The following NREP variants were observed in gnomAD, a reference collection of about 807,000 sequenced individuals.
NREP encodes neuronal regeneration related protein.
In NREP, 5 loss-of-function variants were observed where a neutral mutation model predicts 8.6. That is an observed-to-expected ratio of 0.58 (90% CI 0.30 to 1.22). The LOEUF (loss-of-function observed/expected upper bound fraction) is 1.22. Ranked by LOEUF, NREP falls within the 50% of genes most tolerant of loss-of-function variation. NREP has a pLI of 0.07. For missense variants in NREP, 86 were observed against 82.5 expected (o/e 1.04, Z -0.17); for synonymous variants, 27 against 28.0 (o/e 0.96, Z 0.11).
intron 2 of NREP, among the ~76,000 whole-genome samples, chr5:111,927,991 T>C (rs532923252): frequency 2.0e-5 from 3 of 152,220 alleles, no homozygotes; most frequent in Admixed American, 6.5e-5. Context: ...CTGGAAAAGA[T>C]TGGCAGCCAG....
At chr5:111,750,138 G>C (rs1750263005) in intron 2 of NREP, among the ~76,000 whole-genome samples, 2 of 152,158 alleles carry the variant, frequency 1.3e-5, no homozygotes, top group Admixed American at 6.5e-5. Flanking sequence ...TGACAGCACA[G>C]AGGTCCTAAA....
chr5:111,886,743 A>G (rs988791666), intron 2 of NREP, among the ~76,000 whole-genome samples: 1 of 150,306 alleles, frequency 6.7e-6, no homozygotes, highest in Non-Finnish European at 1.5e-5. Flanking sequence ...AACACCGCAT[A>G]TTCTCACTCA....
intron 2 of NREP, among the ~76,000 whole-genome samples, chr5:111,854,153 AG>A (rs59935347): frequency 0.048 from 7,267 of 152,224 alleles, 594 homozygotes; most frequent in African/African-American, 0.17. Context: ...AAAACAAACA[AG>A]AAAAATGTAG....
chr5:111,833,165 C>T (rs1300693228), intron 2 of NREP, among the ~76,000 whole-genome samples: 6 of 152,190 alleles, frequency 3.9e-5, no homozygotes, highest in Admixed American at 2.0e-4. Context: ...CTATACATCA[C>T]GTAGCCCTCA....
chr5:111,862,088 TAATC>T (rs994967410), intron 2 of NREP, among the ~76,000 whole-genome samples: 1 of 152,168 alleles, frequency 6.6e-6, no homozygotes, highest in Non-Finnish European at 1.5e-5. Context: ...TACAAGCAAA[TAATC>T]AAGTGCAATT....
At chr5:111,736,312 T>A (rs1749109388) in intron 2 of NREP, among the ~76,000 whole-genome samples, 1 of 152,156 alleles carries the variant, frequency 6.6e-6, no homozygotes, top group South Asian at 2.1e-4. Context: ...AACTGTGAAA[T>A]CTTCTTTAAA....
chr5:111,858,538 C>A (rs1339193654), intron 2 of NREP, among the ~76,000 whole-genome samples: 3 of 152,088 alleles, frequency 2.0e-5, no homozygotes, highest in Non-Finnish European at 4.4e-5. Flanking sequence ...GTAATCCCAG[C>A]ACTTGGGGAG....
At chr5:111,960,730 T>A (rs1756456938) in intron 2 of NREP, among the ~76,000 whole-genome samples, 2 of 152,212 alleles carry the variant, frequency 1.3e-5, no homozygotes, top group African/African-American at 2.4e-5. Flanking sequence ...CACTTAACTC[T>A]GACTCATTCT....
At chr5:111,751,856 A>C (rs984143984) in intron 2 of NREP, among the ~76,000 whole-genome samples, 1 of 152,194 alleles carries the variant, frequency 6.6e-6, no homozygotes. Flanking sequence ...CACTTTGGCT[A>C]TGAGGATATG....
At chr5:111,814,014 C>T (rs1271350494) in intron 2 of NREP, among the ~76,000 whole-genome samples, 1 of 151,936 alleles carries the variant, frequency 6.6e-6, no homozygotes, top group Non-Finnish European at 1.5e-5. Context: ...TTTCTTCTTT[C>T]TCAAACATTT....
At chr5:111,912,461 G>A (rs1292224507) in intron 2 of NREP, 1 of 152,050 alleles carries the variant, frequency 6.6e-6, no homozygotes, top group Non-Finnish European at 1.5e-5. Flanking sequence ...TGAAGCTTGA[G>A]TCATAATCTA....
At chr5:111,873,008 C>T (rs949558172) in intron 2 of NREP, among the ~76,000 whole-genome samples, 2 of 152,076 alleles carry the variant, frequency 1.3e-5, no homozygotes, top group Non-Finnish European at 2.9e-5. Flanking sequence ...TTATGTAGGT[C>T]GCATCACTTA....
chr5:111,803,663 G>GA (rs1305165843), intron 2 of NREP, among the ~76,000 whole-genome samples: 1 of 152,056 alleles, frequency 6.6e-6, no homozygotes, highest in Non-Finnish European at 1.5e-5. Context: ...CACAAAGCAA[G>GA]AATATTTAGC....
intron 2 of NREP, among the ~76,000 whole-genome samples, chr5:111,745,999 C>T (rs1184217958): frequency 2.0e-5 from 3 of 152,062 alleles, no homozygotes; most frequent in Admixed American, 2.0e-4. Flanking sequence ...TGTATTTGAT[C>T]CTCATATTGC....
At chr5:111,971,275 T>C (rs567823547) in intron 2 of NREP, among the ~76,000 whole-genome samples, 1 of 152,288 alleles carries the variant, frequency 6.6e-6, no homozygotes, top group Admixed American at 6.5e-5. Flanking sequence ...TACCTGAAAG[T>C]GACCTACAGA....
chr5:111,876,825 A>G (rs546366218), intron 2 of NREP, among the ~76,000 whole-genome samples: 1 of 152,178 alleles, frequency 6.6e-6, no homozygotes, highest in Non-Finnish European at 1.5e-5. Flanking sequence ...CTTCATAAGA[A>G]TCCTGTGAGG....
chr5:111,860,407 T>C (rs1031100911), intron 2 of NREP, among the ~76,000 whole-genome samples: 1 of 152,156 alleles, frequency 6.6e-6, no homozygotes, highest in Admixed American at 6.5e-5. Context: ...CTAGATATCA[T>C]CAGTTAGTGA....
intron 2 of NREP, among the ~76,000 whole-genome samples, chr5:111,871,917 TTC>T (rs1028630008): frequency 1.9e-4 from 28 of 149,466 alleles, no homozygotes; most frequent in African/African-American, 6.9e-4. Context: ...ATAATGACGT[TTC>T]AGTGTGTGTA....
At chr5:111,834,811 C>G (rs1484564762) in intron 2 of NREP, among the ~76,000 whole-genome samples, 1 of 152,074 alleles carries the variant, frequency 6.6e-6, no homozygotes, top group African/African-American at 2.4e-5. Context: ...CCCCCCAGTT[C>G]TTATTTTCAG....
Sources: gnomAD v4.1 joint callset for allele counts (sites outside exome capture counted in the v4.1 genomes callset) on GRCh38, gnomAD v4.1.1 for gene constraint, MANE v1.5 for transcripts, NCBI Gene and HGNC (gene_info 2026-07-23, HGNC 2026-07-21) for gene names.